The following HSD17B2 variants were observed in gnomAD, a reference collection of about 807,000 sequenced individuals.
HSD17B2 encodes 17-beta-hydroxysteroid dehydrogenase type 2.
HSD17B2 carries 32 observed loss-of-function variants against 26.9 expected under a neutral mutation model. The observed-to-expected ratio is 1.19, with a 90% CI of 0.90 to 1.60. The LOEUF (loss-of-function observed/expected upper bound fraction) is 1.60. HSD17B2 is among the 40% of genes most tolerant of loss of function. HSD17B2 has a pLI of 0.00. For missense variants in HSD17B2, 613 were observed against 468.6 expected, an observed-to-expected ratio of 1.31 and a Z score of -2.85; for synonymous variants, 246 against 186.7, an observed-to-expected ratio of 1.32 and a Z score of -2.59.
At chr16:82,066,102 T>C (rs1276139575) in intron 1 of HSD17B2, among the ~76,000 whole-genome samples, 1 of 152,180 alleles carries the variant, frequency 6.6e-6, no homozygotes, top group African/African-American at 2.4e-5. Flanking sequence ...TATACACATA[T>C]ATTATATATT....
intron 2 of HSD17B2, 86 bp downstream of exon 2, chr16:82,068,468 C>G (rs905672052): frequency 1.8e-6 from 2 of 1,113,286 alleles, no homozygotes; most frequent in Non-Finnish European, 2.6e-6. Flanking sequence ...TGCCCCCCCA[C>G]TCCACTCTGG....
At chr16:82,082,713 T>C (rs1016170845) in intron 3 of HSD17B2, among the ~76,000 whole-genome samples, 1 of 152,196 alleles carries the variant, frequency 6.6e-6, no homozygotes, top group Admixed American at 6.5e-5. Context: ...TCAGAGCTGA[T>C]GTTAAAACGC....
intron 1 of HSD17B2, among the ~76,000 whole-genome samples, chr16:82,045,856 C>T (rs147350815): frequency 6.6e-6 from 1 of 152,360 alleles, no homozygotes; most frequent in Non-Finnish European, 1.5e-5. Flanking sequence ...ACCACTCTAG[C>T]CTCTTGTGTT....
intron 1 of HSD17B2, among the ~76,000 whole-genome samples, chr16:82,058,625 C>T (rs571713720): frequency 6.6e-6 from 1 of 152,266 alleles, no homozygotes; most frequent in African/African-American, 2.4e-5. Context: ...ATTCCCACAT[C>T]AGCTTTGTGT....
intron 1 of HSD17B2, among the ~76,000 whole-genome samples, chr16:82,039,214 G>T (rs1034221817): frequency 6.6e-6 from 1 of 150,588 alleles, no homozygotes; most frequent in Non-Finnish European, 1.5e-5. Context: ...TTGGATTTTG[G>T]GACTCTGTTT....
In HSD17B2 at chr16:82,098,162, A is replaced by C. The variant is rs776168424; in HGVS notation, c.890A>C (p.Gln297Pro). Residue 297 changes from glutamine to proline, a missense_variant, in exon 5 of 5, where the codon CAG (glutamine) becomes CCG (proline). Gln to Pro is a moderately conservative substitution (Grantham distance 76). Coordinates refer to ENST00000199936, the MANE Select transcript of HSD17B2 (RefSeq NM_002153.3). The stretch of plus-strand genomic sequence containing the variant: ...GCTGAGGTACAGGAAGACTACGGCC[A>C]GGACTACATCTTAGCACAGCGGAAT... ...LPAEVQEDYG[Q>P]DYILAQRNFL... 25 of 1,614,010 alleles carry C rather than the reference A, an allele frequency of 1.5e-5. No homozygotes were observed. The Middle Eastern group carries it at 9.9e-4, about 64-fold the overall frequency.
chr16:82,053,911 A>G (rs907117616), intron 1 of HSD17B2, among the ~76,000 whole-genome samples: 10 of 152,214 alleles, frequency 6.6e-5, no homozygotes, highest in Admixed American at 3.3e-4. Context: ...GTTCATTATC[A>G]GTTTTATTTA....
intron 1 of HSD17B2, among the ~76,000 whole-genome samples, 160 bp downstream of exon 1, chr16:82,035,849 T>C (rs1336906966): frequency 6.6e-6 from 1 of 151,698 alleles, no homozygotes; most frequent in Non-Finnish European, 1.5e-5. Context: ...TCGTTCCGTT[T>C]TTTCCAGGAG....
intron 1 of HSD17B2, among the ~76,000 whole-genome samples, chr16:82,058,604 C>T (rs8191094): frequency 0.025 from 3,786 of 152,220 alleles, 161 homozygotes; most frequent in African/African-American, 0.085. Context: ...TAGGGCTCAC[C>T]TACCCCACCC....
chr16:82,087,299 CTTGAGAAAATTAAAAGTTAAATTAAAAAA>C (rs1305177374), intron 3 of HSD17B2, among the ~76,000 whole-genome samples: 29 of 152,026 alleles, frequency 1.9e-4, no homozygotes, highest in Non-Finnish European at 1.5e-5. Flanking sequence ...GTGTTTTTAC[CTTGAGAAAATTAAAAGTTAAATTAAAAAA>C]TTAGAGGCTG....
At chr16:82,047,543 AC>A in intron 1 of HSD17B2, among the ~76,000 whole-genome samples, 1 of 152,282 alleles carries the variant, frequency 6.6e-6, no homozygotes, top group Non-Finnish European at 1.5e-5. Flanking sequence ...ATATTGCAGG[AC>A]AGTATAATGT....
intron 1 of HSD17B2, among the ~76,000 whole-genome samples, chr16:82,037,703 T>A (rs913959697): frequency 1.3e-5 from 2 of 152,192 alleles, no homozygotes; most frequent in Non-Finnish European, 2.9e-5. Flanking sequence ...ATATGGTACA[T>A]CCTCTGGGTA....
intron 1 of HSD17B2, among the ~76,000 whole-genome samples, chr16:82,048,259 G>C (rs1286257411): frequency 6.6e-6 from 1 of 152,202 alleles, no homozygotes; most frequent in East Asian, 1.9e-4. Context: ...ATAGGAGGTG[G>C]AAGGGAGACC....
At chr16:82,049,643 A>T (rs139942858) in intron 1 of HSD17B2, among the ~76,000 whole-genome samples, 2 of 152,370 alleles carry the variant, frequency 1.3e-5, no homozygotes, top group African/African-American at 4.8e-5. Flanking sequence ...CTGGGGCTTT[A>T]TCAGGAGACT....
intron 1 of HSD17B2, among the ~76,000 whole-genome samples, chr16:82,038,631 G>A (rs1281752230): frequency 2.0e-5 from 3 of 152,206 alleles, no homozygotes; most frequent in Admixed American, 6.5e-5. Flanking sequence ...CAACATAGTG[G>A]GAAAAAACTT....
intron 1 of HSD17B2, among the ~76,000 whole-genome samples, chr16:82,056,266 T>G (rs982560587): frequency 2.0e-5 from 3 of 152,340 alleles, no homozygotes; most frequent in African/African-American, 7.2e-5. Flanking sequence ...GCAATTTAGT[T>G]GTATCTCTGG....
chr16:82,086,156 A>C (rs549388363), intron 3 of HSD17B2, among the ~76,000 whole-genome samples: 2 of 152,328 alleles, frequency 1.3e-5, no homozygotes, highest in Admixed American at 6.5e-5. Flanking sequence ...AGAGGTGTTC[A>C]AACAAAAACT....
chr16:82,051,566 G>C (rs1034039244), intron 1 of HSD17B2, among the ~76,000 whole-genome samples: 1 of 152,064 alleles, frequency 6.6e-6, no homozygotes, highest in African/African-American at 2.4e-5. Context: ...GGGCCTATTG[G>C]GGTGGGGGTG....
chr16:82,076,748 G>T (rs951478605), intron 3 of HSD17B2, among the ~76,000 whole-genome samples: 1 of 152,000 alleles, frequency 6.6e-6, no homozygotes, highest in Non-Finnish European at 1.5e-5. Flanking sequence ...CTATTTTTTT[G>T]TGTGTGTTTT....
Sources: gnomAD v4.1 joint callset for allele counts (sites outside exome capture counted in the v4.1 genomes callset) on GRCh38, gnomAD v4.1.1 for gene constraint, MANE v1.5 for transcripts, NCBI Gene and HGNC (gene_info 2026-07-23, HGNC 2026-07-21) for gene names.